Variants in BAZ2B observed in about 807,000 individuals in gnomAD.
BAZ2B encodes bromodomain adjacent to zinc finger domain protein 2B.
In BAZ2B, 91 loss-of-function variants were observed where a neutral mutation model predicts 246.0. The ratio of observed to expected loss-of-function variants is 0.37; its 90% confidence interval spans 0.31 to 0.44. BAZ2B has a LOEUF of 0.44. BAZ2B is among the 20% of genes least tolerant of loss of function. The pLI is 1.00. For missense variants in BAZ2B, 2,332 were observed against 2,533.7 expected, an observed-to-expected ratio of 0.92 and a Z score of 1.71; for synonymous variants, 855 against 860.0, an observed-to-expected ratio of 0.99 and a Z score of 0.10.
intron 27 of BAZ2B, among the ~76,000 whole-genome samples, chr2:159,356,306 A>C (rs896798228): frequency 4.6e-5 from 7 of 152,170 alleles, no homozygotes; most frequent in African/African-American, 1.7e-4. Flanking sequence ...GGGTGTGGGA[A>C]GGGGTGTCCG....
In BAZ2B at chr2:159,412,459, T is replaced by C; in HGVS notation, c.2553A>G (p.Pro851=). 1 of 1,614,144 alleles carries C rather than the reference T, an allele frequency of 6.2e-7. No homozygotes were observed. Among genetic ancestry groups the C allele is most frequent in the Non-Finnish European group, 8.5e-7 (1 of 1,180,002 alleles). Residue 851 remains proline (P), a synonymous_variant, in exon 14 of 37, where the codon CCA becomes CCG. Coordinates refer to ENST00000392783, the MANE Select transcript of BAZ2B (RefSeq NM_013450.4). ...ATTCCTCTCTTGCTCGTTGTCTATCTGGATTTGGTGGTCTTCCTCTACGAC... is the reference window on the plus strand; with the variant it reads ...ATTCCTCTCTTGCTCGTTGTCTATCCGGATTTGGTGGTCTTCCTCTACGAC... ...MEGRRGRPPN[P]DRQRAREESR... is the part of the protein sequence containing the mutation.
intron 14 of BAZ2B, chr2:159,412,073 C>T: frequency 1.6e-6 from 1 of 642,940 alleles, no homozygotes; most frequent in Non-Finnish European, 1.9e-6. Flanking sequence ...CCTTTCTGTG[C>T]AAGCCTTAAA....
At chr2:159,616,835 TA>T (rs994153398), upstream of BAZ2B, 8 of 152,092 alleles carry the variant, frequency 5.3e-5, no homozygotes, top group Non-Finnish European at 4.4e-5. Flanking sequence ...ACTTAGTTTT[TA>T]AAAAAACAAA....
chr2:159,521,043 T>C (rs1047780578), intron 2 of BAZ2B, among the ~76,000 whole-genome samples: 13 of 152,066 alleles, frequency 8.5e-5, no homozygotes, highest in Non-Finnish European at 1.5e-4. Flanking sequence ...TTGTAAAAGG[T>C]AGTAGTCTTT....
intron 1 of BAZ2B, among the ~76,000 whole-genome samples, chr2:159,568,209 C>T (rs562698603): frequency 3.3e-5 from 5 of 152,270 alleles, no homozygotes; most frequent in Non-Finnish European, 7.4e-5. Context: ...CCTCCTCACC[C>T]ATCAGATGTA....
In BAZ2B at chr2:159,477,981, C is replaced by A. The variant is rs1029595282; in HGVS notation, c.145+594G>T. Among the ~76,000 whole-genome samples, 5 of 152,152 alleles carry A rather than the reference C, an allele frequency of 3.3e-5. 1 individual carries two copies. Among genetic ancestry groups the A allele is most frequent in the Admixed American group, 2.6e-4 (4 of 15,278 alleles). ...AGGATTACAGGCATGCGCCACCATG[C>A]CTGGCTAATTTTGTATTTTTAGTAG... On this transcript the variant is annotated intron_variant, in intron 3 of 36. Transcript: ENST00000392783.
chr2:159,654,501 CAG>C, the BAZ2B span, among the ~76,000 whole-genome samples: 1 of 152,176 alleles, frequency 6.6e-6, no homozygotes, highest in East Asian at 1.9e-4. Context: ...ACAAGTATTG[CAG>C]AGAGAGGTAG....
chr2:159,501,087 T>C (rs549436278), intron 2 of BAZ2B, among the ~76,000 whole-genome samples: 95 of 135,390 alleles, frequency 7.0e-4, no homozygotes, highest in African/African-American at 2.4e-3. Flanking sequence ...CTGGGCAACA[T>C]GGTGAAACCC....
chr2:159,345,427 C>T (rs2067618750), intron 31 of BAZ2B, among the ~76,000 whole-genome samples: 5 of 152,110 alleles, frequency 3.3e-5, no homozygotes, highest in Admixed American at 3.3e-4. Context: ...ACCAAAACAT[C>T]ACCATGTACT....
the BAZ2B span, among the ~76,000 whole-genome samples, chr2:159,701,233 T>A: frequency 6.6e-6 from 1 of 152,178 alleles, no homozygotes; most frequent in Non-Finnish European, 1.5e-5. Flanking sequence ...GAAGACACAT[T>A]TATTGTAAAA....
At chr2:159,504,386 T>C (rs1363307148) in intron 2 of BAZ2B, among the ~76,000 whole-genome samples, 1 of 152,110 alleles carries the variant, frequency 6.6e-6, no homozygotes, top group Non-Finnish European at 1.5e-5. Flanking sequence ...CCAAGTGCAG[T>C]GGATATTCAC....
chr2:159,582,010 T>C (rs1686919722), intron 1 of BAZ2B, among the ~76,000 whole-genome samples: 1 of 152,118 alleles, frequency 6.6e-6, no homozygotes, highest in South Asian at 2.1e-4. Context: ...GTGGCACATG[T>C]GTACATATGT....
chr2:159,532,223 T>C (rs777591683), intron 2 of BAZ2B, among the ~76,000 whole-genome samples: 109 of 152,282 alleles, frequency 7.2e-4, no homozygotes, highest in Non-Finnish European at 1.2e-3. Flanking sequence ...CCCATTTACA[T>C]AGTAATAAAA....
At chr2:159,429,405 G>T in intron 10 of BAZ2B, 145 bp from the exon 11 acceptor site, 1 of 489,614 alleles carries the variant, frequency 2.0e-6, no homozygotes. Context: ...TTTTTAGATG[G>T]TTTTCAATAA....
At chr2:159,643,219 A>G in the BAZ2B span, among the ~76,000 whole-genome samples, 1 of 152,206 alleles carries the variant, frequency 6.6e-6, no homozygotes, top group Non-Finnish European at 1.5e-5. Flanking sequence ...TTAACCCACA[A>G]AATTTTTTTC....
intron 2 of BAZ2B, among the ~76,000 whole-genome samples, chr2:159,481,683 C>A (rs2079246946): frequency 6.6e-6 from 1 of 151,700 alleles, no homozygotes; most frequent in African/African-American, 2.4e-5. Context: ...CCCAAAACTA[C>A]ACAAACTCAG....
Position 159,319,737 on chromosome 2 carries a change from A to G in BAZ2B, c.*528T>C, listed in dbSNP as rs933732342. ...ACAGTTTAACTTGGCTTTGTTTTAT[A>G]TTTTAAAACATTCCTTGTATTTTCA... is the stretch of plus-strand genomic sequence containing the variant. On this transcript the variant is annotated 3_prime_UTR_variant, in exon 37 of 37. Transcript: ENST00000392783. This position sits in a 1 kb window ranked among gnomAD's most constrained non-coding sequence, Gnocchi z 4.0. 1.3e-5 allele frequency: 2 copies of G among 152,584 alleles called. No homozygotes were observed. The highest frequency in any genetic ancestry group is 4.1e-4 in the South Asian group (2 of 4,836). The allele number at this position is 152,584 out of a possible 1,614,324, so 9.5% of individuals were successfully genotyped here. A position where few individuals can be genotyped will look rare whatever the true frequency, so the allele number is the denominator to read the frequency against.
At chr2:159,465,613 G>T (rs1440595404) in intron 3 of BAZ2B, among the ~76,000 whole-genome samples, 1 of 152,058 alleles carries the variant, frequency 6.6e-6, no homozygotes, top group African/African-American at 2.4e-5. Flanking sequence ...TGCAAAAAAG[G>T]CTAGACAGTT....
intron 3 of BAZ2B, chr2:159,460,059 C>T (rs1440320561): frequency 6.6e-6 from 1 of 151,986 alleles, no homozygotes; most frequent in African/African-American, 2.4e-5. Flanking sequence ...AATTAATACA[C>T]ATCTGCAATG....
Sources: allele counts gnomAD v4.1 joint callset (sites outside exome capture counted in the v4.1 genomes callset), GRCh38; gene constraint gnomAD v4.1.1; non-coding constraint Gnocchi (gnomAD v3.1); transcripts MANE v1.5; gene names NCBI Gene and HGNC (gene_info 2026-07-23, HGNC 2026-07-21).